MTUS2: variants seen among roughly 807,000 people sequenced by gnomAD.
MTUS2 encodes microtubule-associated tumor suppressor candidate 2.
A neutral mutation model predicts 114.1 loss-of-function variants in MTUS2; 40 were observed. That is an observed-to-expected ratio of 0.35 (90% CI 0.27 to 0.46). MTUS2 has a LOEUF of 0.46. Ranked by LOEUF, MTUS2 falls within the 20% of genes least tolerant of loss-of-function variation. MTUS2 has a pLI of 1.00. For synonymous variants in MTUS2, 688 were observed against 672.0 expected, an observed-to-expected ratio of 1.02 and a Z score of -0.37; for missense variants, 1,679 against 1,705.4, an observed-to-expected ratio of 0.98 and a Z score of 0.27.
At chr13:28,825,044 C>A (rs537725129) in intron 1 of MTUS2, among the ~76,000 whole-genome samples, 1 of 152,122 alleles carries the variant, frequency 6.6e-6, no homozygotes, top group African/African-American at 2.4e-5. Flanking sequence ...AGCTGCAGGC[C>A]GCAGTGGGGG....
chr13:29,026,078 C>T lies in MTUS2; in HGVS notation c.1380C>T (p.Gly460=), dbSNP rs749798276. 90 of 1,613,824 alleles carry T rather than the reference C, an allele frequency of 5.6e-5. No individual in the cohort carries two copies. Among genetic ancestry groups the T allele is most frequent in the Non-Finnish European group, 6.7e-5 (79 of 1,179,900 alleles). The change falls in exon 3 of 16, where the codon GGC becomes GGT. Residue 460 remains glycine (G), a synonymous_variant. Transcript: ENST00000612955. ...TCATTGAGGAGGAAAGGCGGTTGGG[C>T]AGTGGGAATAAGGACAGTGTTATGG... ...LDVIEEERRL[G]SGNKDSVMVL...
intron 9 of MTUS2, among the ~76,000 whole-genome samples, chr13:29,449,741 C>G (rs1409274635): frequency 6.6e-6 from 1 of 151,544 alleles, no homozygotes; most frequent in Admixed American, 6.6e-5. Flanking sequence ...ACTCCTAACT[C>G]CATATGACTT....
In MTUS2 at chr13:29,047,512, C is replaced by CTTTT. The variant is rs11367692; in HGVS notation, c.2446+13401_2446+13404dup. Among the ~76,000 whole-genome samples the CTTTT allele has an allele frequency of 3.7e-5, 5 of 135,774 alleles. No individual in the cohort carries two copies. In the South Asian group the frequency reaches 1.2e-3, roughly 33 times the overall value. 89.1% of individuals were successfully genotyped at this position (135,774 alleles called of 152,430 possible). ...TAGTTCACATACCATAAAATTTACT[C>CTTTT]TTTTTTTTTTTTTTTTTCTGAGACA... On this transcript the variant is annotated intron_variant, in intron 4 of 15. Transcript: ENST00000612955.
chr13:29,282,374 G>A (rs1486863072), intron 6 of MTUS2, among the ~76,000 whole-genome samples: 1 of 152,240 alleles, frequency 6.6e-6, no homozygotes, highest in Non-Finnish European at 1.5e-5. Context: ...CACTGGGCCT[G>A]CCAGATTCAG....
At chr13:28,892,760 G>A (rs1438937186) in intron 2 of MTUS2, among the ~76,000 whole-genome samples, 5 of 152,116 alleles carry the variant, frequency 3.3e-5, no homozygotes, top group Non-Finnish European at 5.9e-5. Flanking sequence ...AGCATGTGGG[G>A]GACCTTGGTG....
chr13:29,110,001 C>T (rs532203238), intron 5 of MTUS2, among the ~76,000 whole-genome samples: 1 of 152,194 alleles, frequency 6.6e-6, no homozygotes, highest in East Asian at 1.9e-4. Context: ...ATTTTCATGG[C>T]AATCTCTTTC....
At position 29,275,237 on chromosome 13, in the gene MTUS2, A is replaced by T. The variant is rs1464627208; in HGVS notation, c.2645-6467A>T. On this transcript the variant is annotated intron_variant, in intron 5 of 15. Coordinates refer to ENST00000612955, the MANE Select transcript of MTUS2 (RefSeq NM_001033602.4). ...CTCTTTGTTAATATTTTTATTTTTA[A>T]TTTTTGTGGATACATAGTAAGTATG... 1.3e-5 allele frequency among the ~76,000 whole-genome samples: 2 copies of T among 151,904 alleles called. 1 individual carries two copies. The highest frequency in any genetic ancestry group is 6.3e-3 in the Middle Eastern group (2 of 316).
At chr13:28,829,567 C>T (rs1373179628) in intron 1 of MTUS2, among the ~76,000 whole-genome samples, 1 of 151,930 alleles carries the variant, frequency 6.6e-6, no homozygotes, top group Non-Finnish European at 1.5e-5. Context: ...AGCCTAGAAG[C>T]CACTGAAAGG....
chr13:29,457,111 C>G (rs1879169521), intron 9 of MTUS2, among the ~76,000 whole-genome samples: 2 of 150,542 alleles, frequency 1.3e-5, no homozygotes, highest in South Asian at 4.2e-4. Context: ...CGACACTGCA[C>G]TCCAGCCTGG....
intron 5 of MTUS2, among the ~76,000 whole-genome samples, chr13:29,186,082 C>T (rs1439925622): frequency 2.6e-5 from 4 of 152,052 alleles, no homozygotes; most frequent in Non-Finnish European, 1.5e-5. Context: ...GGCACGGTGG[C>T]ACATGCATGT....
rs201190652 is a variant in MTUS2 at position 29,389,851 on chromosome 13, A to ATATATG, written c.3117+30383_3117+30384insGTATAT. On this transcript the variant is annotated intron_variant, in intron 8 of 15. Transcript: ENST00000612955. ...TGTGTATATATACATACATATGTGT[A>ATATATG]TATATACATACATATGTGTATATAT... 3.2e-4 allele frequency among the ~76,000 whole-genome samples: 4 copies of ATATATG among 12,676 alleles called. 1 individual carries two copies. Among genetic ancestry groups the ATATATG allele is most frequent in the African/African-American group, 6.9e-4 (4 of 5,834 alleles). The allele number at this position is 12,676 out of a possible 152,430, so 8.3% of individuals were successfully genotyped here.
intron 3 of MTUS2, 21 bp from the exon 4 acceptor site, chr13:29,033,860 TTGAG>T: frequency 1.2e-6 from 2 of 1,613,082 alleles, no homozygotes; most frequent in Non-Finnish European, 1.7e-6. Context: ...AGGTCTCTGA[TTGAG>T]TTTTTGTTCA....
intron 4 of MTUS2, among the ~76,000 whole-genome samples, chr13:29,043,914 ATTG>A (rs1887493054): frequency 2.0e-5 from 3 of 151,992 alleles, no homozygotes; most frequent in African/African-American, 7.2e-5. Context: ...CATTTGTGCT[ATTG>A]TTATTAGATA....
At chr13:29,374,263 G>T (rs370696996) in intron 8 of MTUS2, among the ~76,000 whole-genome samples, 21 of 151,348 alleles carry the variant, frequency 1.4e-4, no homozygotes, top group African/African-American at 4.9e-4. Context: ...AAAGAATGTG[G>T]TGCAGAGAAA....
intron 2 of MTUS2, among the ~76,000 whole-genome samples, chr13:28,970,534 T>G (rs1222391352): frequency 6.6e-6 from 1 of 152,244 alleles, no homozygotes; most frequent in Non-Finnish European, 1.5e-5. Context: ...CTGAAGTATT[T>G]GCTCTATGGC....
intron 2 of MTUS2, among the ~76,000 whole-genome samples, chr13:28,850,221 G>A (rs974613339): frequency 3.9e-5 from 6 of 152,192 alleles, no homozygotes; most frequent in East Asian, 1.9e-4. Flanking sequence ...TATATTGTCC[G>A]CAAACTCAAG....
intron 5 of MTUS2, among the ~76,000 whole-genome samples, chr13:29,149,079 C>G (rs1892562869): frequency 6.6e-6 from 1 of 152,110 alleles, no homozygotes; most frequent in South Asian, 2.1e-4. Flanking sequence ...GGTGGTAATT[C>G]TAATTCTAGG....
At chr13:29,420,557 A>G (rs891693057) in intron 8 of MTUS2, among the ~76,000 whole-genome samples, 4 of 152,244 alleles carry the variant, frequency 2.6e-5, no homozygotes, top group Non-Finnish European at 4.4e-5. Context: ...GATTACAGGT[A>G]TGAGCCACTG....
rs147668889 is a variant in MTUS2, at chr13:29,245,310, T to A, written c.2645-36394T>A. Among the ~76,000 whole-genome samples the A allele has an allele frequency of 7.2e-5, 11 of 152,270 alleles. No homozygotes were observed. In the East Asian group the frequency reaches 2.1e-3, roughly 29 times the overall value. The stretch of plus-strand genomic sequence containing the variant: ...TCTTCTAACTCAACTCCATAGTATT[T>A]AGGCCATGGAACAGGTGGCATTTTC... On this transcript the variant is annotated intron_variant, in intron 5 of 15. Transcript: ENST00000612955.
Sources: allele counts gnomAD v4.1 joint callset (sites outside exome capture counted in the v4.1 genomes callset), GRCh38; gene constraint gnomAD v4.1.1; transcripts MANE v1.5; gene names NCBI Gene and HGNC (gene_info 2026-07-23, HGNC 2026-07-21).